LIN9: variants seen among roughly 807,000 people sequenced by gnomAD.
The protein encoded by LIN9 is lin-9 DREAM MuvB core complex component, also known as protein lin-9 homolog.
A neutral mutation model predicts 78.0 loss-of-function variants in LIN9; 18 were observed. The observed-to-expected ratio is 0.23, with a 90% CI of 0.16 to 0.34. The LOEUF (loss-of-function observed/expected upper bound fraction) is 0.34, where lower values mean the gene tolerates loss of function less well. LIN9 is among the 10% of genes least tolerant of loss of function. The pLI is 1.00. For missense variants in LIN9, 451 were observed against 644.1 expected (o/e 0.70, Z 3.25); for synonymous variants, 192 against 215.2 (o/e 0.89, Z 0.94).
chr1:226,246,173 T>C (rs1658466038), intron 11 of LIN9, among the ~76,000 whole-genome samples: 1 of 152,236 alleles, frequency 6.6e-6, no homozygotes, highest in Non-Finnish European at 1.5e-5. Context: ...AGTTTTTTCT[T>C]CTGCTTAAAC....
intron 10 of LIN9, among the ~76,000 whole-genome samples, chr1:226,264,476 T>C (rs1050879308): frequency 2.0e-5 from 3 of 152,174 alleles, no homozygotes; most frequent in African/African-American, 7.2e-5. Flanking sequence ...GACAAGACCT[T>C]TCCTCAAAAT....
intron 1 of LIN9, among the ~76,000 whole-genome samples, chr1:226,302,419 T>C (rs576716093): frequency 6.6e-6 from 1 of 152,204 alleles, no homozygotes; most frequent in East Asian, 1.9e-4. Flanking sequence ...GGCGAGCACC[T>C]GTAGTCCCAG....
chr1:226,258,032 AAAATT>A (rs752475514), intron 10 of LIN9, among the ~76,000 whole-genome samples: 60 of 152,120 alleles, frequency 3.9e-4, no homozygotes, highest in Non-Finnish European at 6.9e-4. Flanking sequence ...AAAAAATACA[AAAATT>A]AGCAGGTGTG....
intron 7 of LIN9, among the ~76,000 whole-genome samples, chr1:226,272,966 C>T (rs537454152): frequency 4.8e-4 from 73 of 152,226 alleles, no homozygotes; most frequent in Admixed American, 1.2e-3. Flanking sequence ...GACATCATCA[C>T]CCCCACGACC....
chr1:226,266,849 G>A (rs772233759), intron 8 of LIN9, among the ~76,000 whole-genome samples: 29 of 151,110 alleles, frequency 1.9e-4, no homozygotes, highest in Non-Finnish European at 3.5e-4. Flanking sequence ...GCGCGATCTC[G>A]GATCACTGCA....
intron 11 of LIN9, among the ~76,000 whole-genome samples, chr1:226,240,254 G>C (rs1486437638): frequency 6.6e-6 from 1 of 152,148 alleles, no homozygotes; most frequent in Non-Finnish European, 1.5e-5. Flanking sequence ...TTTTGTTGTT[G>C]TTGTTTTTGG....
chr1:226,252,346 T>C (rs551434259), intron 10 of LIN9, among the ~76,000 whole-genome samples: 1 of 150,208 alleles, frequency 6.7e-6, no homozygotes, highest in Non-Finnish European at 1.5e-5. Flanking sequence ...ATGTCTCCTA[T>C]CAAAAGAACA....
At chr1:226,254,077 G>T (rs1659032833) in intron 10 of LIN9, among the ~76,000 whole-genome samples, 1 of 152,098 alleles carries the variant, frequency 6.6e-6, no homozygotes, top group Non-Finnish European at 1.5e-5. Context: ...GACTACAGGG[G>T]CGTATCACCA....
At chr1:226,243,343 T>G (rs1658237382) in intron 11 of LIN9, among the ~76,000 whole-genome samples, 4 of 152,208 alleles carry the variant, frequency 2.6e-5, no homozygotes, top group Admixed American at 2.6e-4. Flanking sequence ...GTGATCTATA[T>G]TTACTGATAC....
chr1:226,236,723 C>T (rs1657742371), intron 12 of LIN9, among the ~76,000 whole-genome samples: 1 of 152,218 alleles, frequency 6.6e-6, no homozygotes, highest in Admixed American at 6.5e-5. Flanking sequence ...TCCCAAAGTG[C>T]TGGGATTACA....
intron 1 of LIN9, among the ~76,000 whole-genome samples, chr1:226,308,129 A>G (rs749131811): frequency 2.6e-5 from 4 of 152,250 alleles, no homozygotes; most frequent in Non-Finnish European, 5.9e-5. Context: ...ATATGTATAA[A>G]CTGAATAGTG....
At chr1:226,309,209 G>C (rs1463551345), upstream of LIN9, 3 of 1,457,752 alleles carry the variant, frequency 2.1e-6, no homozygotes. Context: ...GACTGTCTTT[G>C]CGAGGGAGGT....
At chr1:226,278,093 C>A (rs1014468840) in intron 6 of LIN9, among the ~76,000 whole-genome samples, 161 bp from the exon 7 acceptor site, 1 of 151,942 alleles carries the variant, frequency 6.6e-6, no homozygotes, top group Non-Finnish European at 1.5e-5. Context: ...CCGGCTCAAG[C>A]GATTCTGGGC....
intron 11 of LIN9, among the ~76,000 whole-genome samples, chr1:226,241,503 G>T (rs1052617423): frequency 1.3e-5 from 2 of 152,064 alleles, no homozygotes. Context: ...TGTACAAAGG[G>T]TTTACATATA....
At chr1:226,240,590 T>C (rs1658050228) in intron 11 of LIN9, among the ~76,000 whole-genome samples, 1 of 152,132 alleles carries the variant, frequency 6.6e-6, no homozygotes, top group Non-Finnish European at 1.5e-5. Flanking sequence ...GGTTTCATCA[T>C]GTTGGCCAGG....
At chr1:226,302,514 T>C (rs1252779425) in intron 1 of LIN9, among the ~76,000 whole-genome samples, 1 of 138,654 alleles carries the variant, frequency 7.2e-6, no homozygotes, top group East Asian at 2.1e-4. Flanking sequence ...CTGCACTCCA[T>C]CCAGCCTGGG....
At chr1:226,248,093 CA>C (rs772717654) in intron 11 of LIN9, among the ~76,000 whole-genome samples, 29 of 152,218 alleles carry the variant, frequency 1.9e-4, no homozygotes, top group South Asian at 8.3e-4. Flanking sequence ...CTACTCTTAC[CA>C]AAAGCAGAAA....
intron 7 of LIN9, among the ~76,000 whole-genome samples, chr1:226,277,490 G>C (rs12758682): frequency 6.6e-6 from 1 of 152,154 alleles, no homozygotes; most frequent in African/African-American, 2.4e-5. Context: ...TACACCTTCA[G>C]AATTTTGTCC....
chr1:226,253,680 C>T (rs1471088021), intron 10 of LIN9, among the ~76,000 whole-genome samples: 1 of 151,754 alleles, frequency 6.6e-6, no homozygotes, highest in Non-Finnish European at 1.5e-5. Flanking sequence ...CTTTGGGAGG[C>T]CAAGGTGGGT....
Sources: allele counts gnomAD v4.1 joint callset (sites outside exome capture counted in the v4.1 genomes callset), GRCh38; gene constraint gnomAD v4.1.1; transcripts MANE v1.5; gene names NCBI Gene and HGNC (gene_info 2026-07-23, HGNC 2026-07-21).